Variants in GOSR1 observed in about 807,000 individuals in gnomAD.
GOSR1 encodes 28 kDa Golgi SNARE protein.
A neutral mutation model predicts 35.5 loss-of-function variants in GOSR1; 21 were observed. That is an observed-to-expected ratio of 0.59 (90% CI 0.42 to 0.85). The LOEUF is 0.85. Ranked by LOEUF, GOSR1 falls within the 40% of genes least tolerant of loss-of-function variation. GOSR1 has a pLI of 0.00. For synonymous variants in GOSR1, 94 were observed against 106.6 expected (o/e 0.88, Z 0.73); for missense variants, 285 against 309.6 (o/e 0.92, Z 0.60).
chr17:30,498,973 A>G (rs971562717), intron 6 of GOSR1, among the ~76,000 whole-genome samples: 4 of 152,228 alleles, frequency 2.6e-5, no homozygotes, highest in Non-Finnish European at 5.9e-5. Context: ...GAACATTTCT[A>G]TCACCCCAAA....
intron 2 of GOSR1, among the ~76,000 whole-genome samples, chr17:30,482,738 T>C (rs536280482): frequency 6.6e-6 from 1 of 152,330 alleles, no homozygotes; most frequent in South Asian, 2.1e-4. Flanking sequence ...AAGGCCAACA[T>C]TGACTCTAGG....
At chr17:30,506,409 A>G (rs1344128225) in intron 6 of GOSR1, among the ~76,000 whole-genome samples, 1 of 152,270 alleles carries the variant, frequency 6.6e-6, no homozygotes, top group Non-Finnish European at 1.5e-5. Context: ...TGGTCTGGTT[A>G]GAAGATCAAA....
intron 6 of GOSR1, among the ~76,000 whole-genome samples, chr17:30,502,162 C>T (rs1967234788): frequency 2.6e-5 from 4 of 152,088 alleles, no homozygotes; most frequent in Non-Finnish European, 4.4e-5. Flanking sequence ...ACTATAGAGA[C>T]AGTAAAAAGA....
In GOSR1 at chr17:30,481,143, A is replaced by T. The variant is rs754137941; in HGVS notation, c.32A>T (p.Asp11Val). ...ATTTGTTGTTATAATTTTGTTAAAG[A>T]TCTCAGGAAACAGGCTCGACAGCTG... is the stretch of plus-strand genomic sequence containing the variant. Reference protein sequence around the residue: MAAGTSSYWEDLRKQARQLEN... With the variant: MAAGTSSYWEVLRKQARQLEN... The change falls in exon 2 of 9, where the codon GAT becomes GTT. Residue 11 changes from aspartate to valine, a missense_variant and splice_region_variant. Physicochemically the swap from Asp to Val is radical, Grantham distance 152. Transcript: ENST00000451249. 1 of 1,586,884 alleles carries T rather than the reference A, an allele frequency of 6.3e-7. No homozygotes were observed. Among genetic ancestry groups the T allele is most frequent in the Non-Finnish European group, 8.7e-7 (1 of 1,155,344 alleles).
chr17:30,513,878 G>A (rs1272875658), intron 7 of GOSR1, among the ~76,000 whole-genome samples: 5 of 152,202 alleles, frequency 3.3e-5, no homozygotes, highest in African/African-American at 1.2e-4. Context: ...GCACCCATGA[G>A]GTCAAGGCTG....
chr17:30,506,509 A>T (rs575778685), intron 6 of GOSR1, among the ~76,000 whole-genome samples: 1 of 152,356 alleles, frequency 6.6e-6, no homozygotes, highest in South Asian at 2.1e-4. Flanking sequence ...GAAGCTGCTG[A>T]AGAAAGGTTT....
intron 7 of GOSR1, among the ~76,000 whole-genome samples, chr17:30,518,453 T>C (rs751331173): frequency 6.1e-5 from 9 of 147,368 alleles, no homozygotes; most frequent in Non-Finnish European, 1.1e-4. Context: ...AAAAAAAAAA[T>C]AGATATTTTC....
At chr17:30,496,944 T>C (rs1967027815) in intron 6 of GOSR1, among the ~76,000 whole-genome samples, 1 of 152,250 alleles carries the variant, frequency 6.6e-6, no homozygotes, top group Non-Finnish European at 1.5e-5. Context: ...GAATTGCAGA[T>C]TGTGCACATT....
chr17:30,511,376 G>A (rs1292631328), intron 7 of GOSR1, among the ~76,000 whole-genome samples: 2 of 152,108 alleles, frequency 1.3e-5, no homozygotes, highest in East Asian at 1.9e-4. Context: ...GTTTTGAACT[G>A]CTTAGCTTTC....
chr17:30,487,131 T>C (rs2143653998), intron 4 of GOSR1, among the ~76,000 whole-genome samples: 1 of 152,264 alleles, frequency 6.6e-6, no homozygotes, highest in African/African-American at 2.4e-5. Context: ...TAAAAACAAT[T>C]AAACAGAGTT....
intron 6 of GOSR1, chr17:30,495,376 G>C (rs1775712064): frequency 4.5e-6 from 2 of 448,586 alleles, no homozygotes; most frequent in Non-Finnish European, 8.9e-6. Context: ...TTGTCATTTT[G>C]AATAAAATAC....
chr17:30,519,880 G>A (rs1967961473), intron 7 of GOSR1, 59 bp from the exon 8 acceptor site: 2 of 1,015,252 alleles, frequency 2.0e-6, no homozygotes, highest in East Asian at 4.8e-5. Flanking sequence ...TTAAAGGCAT[G>A]ATGGTTCCAG....
intron 6 of GOSR1, among the ~76,000 whole-genome samples, chr17:30,498,266 C>T (rs185838422): frequency 2.0e-5 from 3 of 151,666 alleles, no homozygotes; most frequent in Admixed American, 6.6e-5. Context: ...GTTGTTTTAA[C>T]GAGCATTTGT....
chr17:30,477,865 G>C, intron 1 of GOSR1: 4 of 985,266 alleles, frequency 4.1e-6, no homozygotes, highest in Non-Finnish European at 4.8e-6. Flanking sequence ...CAGCGCATTG[G>C]AGCTGAGGTC....
chr17:30,504,121 G>T (rs1355911708), intron 6 of GOSR1, among the ~76,000 whole-genome samples: 9 of 151,736 alleles, frequency 5.9e-5, no homozygotes, highest in Non-Finnish European at 8.8e-5. Flanking sequence ...CCGCCTCCCG[G>T]GTTCAAGGAA....
At chr17:30,513,408 A>G (rs1263739736) in intron 7 of GOSR1, among the ~76,000 whole-genome samples, 1 of 152,170 alleles carries the variant, frequency 6.6e-6, no homozygotes, top group Non-Finnish European at 1.5e-5. Context: ...TTTTGCTTCT[A>G]AATATTTGAC....
chr17:30,492,616 G>A (rs1012186872), intron 5 of GOSR1, 63 bp from the exon 6 acceptor site: 3 of 903,398 alleles, frequency 3.3e-6, no homozygotes, highest in Non-Finnish European at 5.5e-6. Context: ...GATCACTAGG[G>A]TCAGTCAATC....
At chr17:30,482,793 T>TG (rs916420890) in intron 2 of GOSR1, 9 of 152,396 alleles carry the variant, frequency 5.9e-5, no homozygotes, top group African/African-American at 1.9e-4. Flanking sequence ...TGCATTGCTT[T>TG]GGGCTTGGCT....
chr17:30,525,793 G>T lies in GOSR1; in HGVS notation c.*3415G>T, dbSNP rs1323031686. ...TAGGGTTTTGCTTATGTGAAGTAAT[G>T]GAATTATGTTGGTTATTTTCTTTAT... On this transcript the variant is annotated 3_prime_UTR_variant, in exon 9 of 9. Transcript: ENST00000451249. 6.6e-6 allele frequency: 1 copy of T among 152,010 alleles called. No individual in the cohort carries two copies. Among genetic ancestry groups the T allele is most frequent in the East Asian group, 1.9e-4 (1 of 5,188 alleles). The allele number at this position is 152,010 out of a possible 1,614,324, so 9.4% of individuals were successfully genotyped here. A position where few individuals can be genotyped will look rare whatever the true frequency, so the allele number is the denominator to read the frequency against.
Sources: allele counts gnomAD v4.1 joint callset (sites outside exome capture counted in the v4.1 genomes callset), GRCh38; gene constraint gnomAD v4.1.1; transcripts MANE v1.5; gene names NCBI Gene and HGNC (gene_info 2026-07-23, HGNC 2026-07-21).